The following HCN1 variants were observed in gnomAD, a reference collection of about 807,000 sequenced individuals.
HCN1 encodes the protein potassium/sodium hyperpolarization-activated cyclic nucleotide-gated channel 1.
A neutral mutation model predicts 78.9 loss-of-function variants in HCN1; 13 were observed. The ratio of observed to expected loss-of-function variants is 0.16; its 90% CI spans 0.11 to 0.26. The LOEUF (loss-of-function observed/expected upper bound fraction) is 0.26, where lower values mean the gene tolerates loss of function less well. HCN1 is among the 10% of genes least tolerant of loss of function. The pLI, the probability that HCN1 is intolerant of heterozygous loss-of-function variation, is 1.00. For missense variants in HCN1, 810 were observed against 1,154.3 expected (o/e 0.70, Z 4.32); for synonymous variants, 552 against 455.5 (o/e 1.21, Z -2.70).
Position 45,303,708 on chromosome 5 carries a change from T to A in HCN1, c.1509A>T (p.Ile503=). 2.5e-6 allele frequency: 4 copies of A among 1,613,706 alleles called. No homozygotes were observed. The highest frequency in any genetic ancestry group is 3.4e-6 in the Non-Finnish European group (4 of 1,179,788). The part of the protein sequence containing the change: ...FEVFQPGDYI[I]REGAVGKKMY... The stretch of plus-strand genomic sequence containing the variant: ...TTTTTTTACCCACGGCTCCTTCTCG[T>A]ATGATATAATCTCCAGGTTGAAACA... Residue 503 remains isoleucine (I), a synonymous_variant, in exon 6 of 8, where the codon ATA becomes ATT. Coordinates refer to ENST00000303230, the MANE Select transcript of HCN1 (RefSeq NM_021072.4).
chr5:45,667,699 C>T (rs927320716), intron 1 of HCN1, among the ~76,000 whole-genome samples: 1 of 151,942 alleles, frequency 6.6e-6, no homozygotes, highest in African/African-American at 2.4e-5. Context: ...TTGATGAAAT[C>T]TTACGAATAA....
chr5:45,626,999 A>C (rs1243376730), intron 2 of HCN1, among the ~76,000 whole-genome samples: 4 of 151,828 alleles, frequency 2.6e-5, no homozygotes, highest in African/African-American at 4.8e-5. Context: ...ACATGTATAT[A>C]TATATATGTA....
At chr5:45,564,301 C>T (rs1257876582) in intron 2 of HCN1, among the ~76,000 whole-genome samples, 1 of 151,248 alleles carries the variant, frequency 6.6e-6, no homozygotes, top group African/African-American at 2.4e-5. Context: ...TGCTCTGTCA[C>T]CCAGGTTGGA....
At chr5:45,322,396 T>A (rs542713782) in intron 5 of HCN1, among the ~76,000 whole-genome samples, 83 of 151,956 alleles carry the variant, frequency 5.5e-4, no homozygotes, top group African/African-American at 1.9e-3. Flanking sequence ...ATTTATTAAA[T>A]GCTTTGTGCT....
intron 2 of HCN1, among the ~76,000 whole-genome samples, chr5:45,546,688 C>A (rs1184971283): frequency 6.6e-6 from 1 of 151,606 alleles, no homozygotes; most frequent in Non-Finnish European, 1.5e-5. Context: ...GGGGATTTTG[C>A]TTTATTAATT....
In HCN1 at chr5:45,311,910, C is replaced by A. The variant is rs374024233; in HGVS notation, c.1378-8071G>T. ...AGCTGTGGGCTAAACACTGGGAAGC[C>A]AAGTAAATAAGCTCAGATGCTATGG... On this transcript the variant is annotated intron_variant, in intron 5 of 7. Coordinates refer to ENST00000303230, the MANE Select transcript of HCN1 (RefSeq NM_021072.4). Among the ~76,000 whole-genome samples the A allele has an allele frequency of 9.2e-5, 14 of 152,240 alleles. 1 individual carries two copies. Among genetic ancestry groups the A allele is most frequent in the Admixed American group, 2.6e-4 (4 of 15,286 alleles).
intron 6 of HCN1, among the ~76,000 whole-genome samples, chr5:45,299,637 C>T (rs1431063957): frequency 6.6e-6 from 1 of 151,602 alleles, no homozygotes; most frequent in Non-Finnish European, 1.5e-5. Context: ...AATGATTACT[C>T]CTAAAGAAAT....
intron 2 of HCN1, among the ~76,000 whole-genome samples, chr5:45,500,286 T>G (rs914351153): frequency 6.6e-6 from 1 of 152,212 alleles, no homozygotes; most frequent in African/African-American, 2.4e-5. Context: ...TGCCATTATC[T>G]GGTGGATTTT....
At chr5:45,657,013 T>C (rs1251289656) in intron 1 of HCN1, among the ~76,000 whole-genome samples, 2 of 152,130 alleles carry the variant, frequency 1.3e-5, no homozygotes, top group African/African-American at 4.8e-5. Context: ...AGCTGCGTAT[T>C]ATCTGATGGA....
chr5:45,693,941 C>G (rs1254093731), intron 1 of HCN1, among the ~76,000 whole-genome samples: 1 of 152,054 alleles, frequency 6.6e-6, no homozygotes, highest in Non-Finnish European at 1.5e-5. Flanking sequence ...AGACTGGAGA[C>G]TTTTTTCATG....
chr5:45,574,870 C>T (rs919041774), intron 2 of HCN1: 7 of 152,152 alleles, frequency 4.6e-5, no homozygotes, highest in African/African-American at 1.7e-4. Flanking sequence ...TAAGCCAAGT[C>T]CTAATCCAGA....
intron 1 of HCN1, among the ~76,000 whole-genome samples, chr5:45,656,046 C>T (rs1745759088): frequency 6.6e-6 from 1 of 152,084 alleles, no homozygotes; most frequent in Non-Finnish European, 1.5e-5. Flanking sequence ...CAAGGAGCCC[C>T]TCAAAAATGA....
At chr5:45,313,574 A>G (rs1745907482) in intron 5 of HCN1, among the ~76,000 whole-genome samples, 1 of 152,304 alleles carries the variant, frequency 6.6e-6, no homozygotes, top group Non-Finnish European at 1.5e-5. Context: ...TCTCCAAGCT[A>G]AAGGAGGAAG....
chr5:45,579,673 A>G (rs1283882134), intron 2 of HCN1, among the ~76,000 whole-genome samples: 2 of 152,152 alleles, frequency 1.3e-5, no homozygotes, highest in Non-Finnish European at 2.9e-5. Flanking sequence ...AGATACAGAA[A>G]TATTTATACA....
chr5:45,313,700 A>T (rs914718643), intron 5 of HCN1, among the ~76,000 whole-genome samples: 4 of 152,200 alleles, frequency 2.6e-5, no homozygotes, highest in African/African-American at 9.6e-5. Flanking sequence ...AAACCATGGC[A>T]CGAGAACTAA....
At chr5:45,691,220 CG>C (rs5867707) in intron 1 of HCN1, among the ~76,000 whole-genome samples, 10,774 of 151,912 alleles carry the variant, frequency 0.071, 553 homozygotes, top group Middle Eastern at 0.15. Context: ...TCAACAGGCA[CG>C]TTCATAAACC....
At chr5:45,579,889 A>T (rs1423918235) in intron 2 of HCN1, among the ~76,000 whole-genome samples, 5 of 152,136 alleles carry the variant, frequency 3.3e-5, no homozygotes, top group African/African-American at 9.6e-5. Flanking sequence ...AGACTGATTT[A>T]TAGGAGATGA....
intron 4 of HCN1, among the ~76,000 whole-genome samples, chr5:45,375,804 TTA>T: frequency 8.7e-6 from 1 of 114,598 alleles, no homozygotes; most frequent in African/African-American, 3.8e-5. Context: ...ATGATATATC[TTA>T]TATATAATAT....
At chr5:45,318,571 A>G (rs1746051724) in intron 5 of HCN1, among the ~76,000 whole-genome samples, 1 of 151,730 alleles carries the variant, frequency 6.6e-6, no homozygotes, top group Non-Finnish European at 1.5e-5. Context: ...AAAAGAAAAA[A>G]TATTATTTAA....
Sources: allele counts gnomAD v4.1 joint callset (sites outside exome capture counted in the v4.1 genomes callset), GRCh38; gene constraint gnomAD v4.1.1; transcripts MANE v1.5; gene names NCBI Gene and HGNC (gene_info 2026-07-23, HGNC 2026-07-21).